Variants in BIRC6 observed in about 807,000 individuals in gnomAD.
The protein encoded by BIRC6 is dual E2 ubiquitin-conjugating enzyme/E3 ubiquitin-protein ligase BIRC6.
Under a neutral mutation model 503.3 loss-of-function variants are expected in BIRC6, and 98 were observed. That is an observed-to-expected ratio of 0.19 (90% CI 0.17 to 0.23). BIRC6 has a LOEUF of 0.23. Among genes scored for constraint, BIRC6 ranks in the 10% least tolerant of loss-of-function variants. The probability of loss-of-function intolerance (pLI) is 1.00; values close to 1 mark genes in which losing one functional copy is unlikely to be tolerated. For missense variants in BIRC6, 5,360 were observed against 5,806.0 expected, an observed-to-expected ratio of 0.92 and a Z score of 2.50; for synonymous variants, 2,240 against 2,078.7, an observed-to-expected ratio of 1.08 and a Z score of -2.11.
intron 66 of BIRC6, among the ~76,000 whole-genome samples, chr2:32,577,857 T>C (rs2060365185): frequency 6.6e-6 from 1 of 152,214 alleles, no homozygotes; most frequent in Admixed American, 6.5e-5. Flanking sequence ...TCCATTTAAA[T>C]TCTTTTATTC....
chr2:32,493,021 GTTTTT>G (rs537057604), intron 44 of BIRC6, among the ~76,000 whole-genome samples: 15 of 136,972 alleles, frequency 1.1e-4, no homozygotes, highest in Middle Eastern at 8.1e-3. Context: ...TGGGAAAGCA[GTTTTT>G]TTTTTTTTTG....
chr2:32,510,717 G>A, intron 53 of BIRC6, 83 bp downstream of exon 53: 2 of 949,096 alleles, frequency 2.1e-6, no homozygotes, highest in Non-Finnish European at 3.3e-6. Flanking sequence ...TTTTTCCTTA[G>A]ATGATCTCAT....
rs953848034 is a variant in BIRC6, at chr2:32,592,142, T to C, written c.13356-1773T>C. On this transcript the variant is annotated intron_variant, in intron 66 of 73. Coordinates refer to ENST00000421745, the MANE Select transcript of BIRC6 (RefSeq NM_016252.4). ...TACTCTCCTTATATATGCAAAAACA[T>C]ATATTCAGATACATGTACATAGACG... 3.9e-5 allele frequency among the ~76,000 whole-genome samples: 6 copies of C among 152,202 alleles called. No individual in the cohort carries two copies. The South Asian group carries it at 8.3e-4, about 21-fold the overall frequency.
chr2:32,566,980 G>GT (rs767763948), intron 65 of BIRC6, among the ~76,000 whole-genome samples: 1 of 151,742 alleles, frequency 6.6e-6, no homozygotes, highest in Non-Finnish European at 1.5e-5. Context: ...TTCTTTTTTT[G>GT]TTTGTTTGTT....
chr2:32,516,766 T>A (rs1385751888), intron 55 of BIRC6, among the ~76,000 whole-genome samples: 1 of 152,052 alleles, frequency 6.6e-6, no homozygotes, highest in African/African-American at 2.4e-5. Context: ...TTTGCCAAAT[T>A]TTGCTTTTGG....
At chr2:32,552,029 T>C (rs1291598427) in intron 65 of BIRC6, among the ~76,000 whole-genome samples, 2 of 152,140 alleles carry the variant, frequency 1.3e-5, no homozygotes, top group East Asian at 1.9e-4. Context: ...TTTAGTAAAA[T>C]AATGCACATT....
intron 10 of BIRC6, among the ~76,000 whole-genome samples, chr2:32,417,037 A>G (rs922562331): frequency 1.7e-4 from 26 of 151,996 alleles, no homozygotes; most frequent in Non-Finnish European, 4.4e-5. Context: ...GGGTTTCACC[A>G]TGTTACCCAG....
chr2:32,432,617 G>C lies in BIRC6; in HGVS notation c.3249-1027G>C, dbSNP rs573201372. On this transcript the variant is annotated intron_variant, in intron 12 of 73. Transcript: ENST00000421745. ...ATAAATAATAAAAAAAAATTTAGCT[G>C]GACATGGTGGTATGTGCCTGTGGTC... 1.7e-4 allele frequency among the ~76,000 whole-genome samples: 26 copies of C among 151,888 alleles called. No individual in the cohort carries two copies. The East Asian group carries it at 5.0e-3, about 29-fold the overall frequency.
At chr2:32,482,610 T>G (rs1330282706) in intron 39 of BIRC6, 28 bp downstream of exon 39, 2 of 1,608,926 alleles carry the variant, frequency 1.2e-6, no homozygotes, top group African/African-American at 2.7e-5. Flanking sequence ...TTTTAAGACA[T>G]ATGCTATTCT....
chr2:32,538,242 C>A (rs1449824194), intron 61 of BIRC6, among the ~76,000 whole-genome samples: 1 of 151,986 alleles, frequency 6.6e-6, no homozygotes, highest in Non-Finnish European at 1.5e-5. Flanking sequence ...CTGAGGAGCT[C>A]CAAATTCTGC....
At chr2:32,391,522 T>C (rs906859311) in intron 4 of BIRC6, among the ~76,000 whole-genome samples, 11 of 152,252 alleles carry the variant, frequency 7.2e-5, no homozygotes, top group East Asian at 1.9e-4. Flanking sequence ...CTAAAGTTAC[T>C]AGCAATTTTA....
Position 32,444,832 on chromosome 2 carries a change from A to G in BIRC6, c.4337-689A>G, listed in dbSNP as rs143954998. Among the ~76,000 whole-genome samples, 387 of 152,354 alleles carry G rather than the reference A, an allele frequency of 2.5e-3. 1 individual carries two copies. The highest frequency in any genetic ancestry group is 9.1e-3 in the African/African-American group (379 of 41,592). On this transcript the variant is annotated intron_variant, in intron 20 of 73. Coordinates refer to ENST00000421745, the MANE Select transcript of BIRC6 (RefSeq NM_016252.4). Reference sequence around the variant, plus strand: ...TTAGGTAAAGCGTGTTTATATTTACATTGAACATATTTTGGCTACAACCAT... The same window carrying G: ...TTAGGTAAAGCGTGTTTATATTTACGTTGAACATATTTTGGCTACAACCAT...
chr2:32,491,550 A>C lies in BIRC6; in HGVS notation c.8332A>C (p.Ser2778Arg). 6.2e-7 allele frequency: 1 copy of C among 1,613,066 alleles called. No homozygotes were observed. The highest frequency in any genetic ancestry group is 8.5e-7 in the Non-Finnish European group (1 of 1,179,456). ...GTSPHGTNQH[S>R]PQVGPTATQA... is the part of the protein sequence containing the mutation. ...CAGTCCACATGGAACAAATCAACAC[A>C]GTCCACAGGTAATATGATGTTTAGC... Residue 2778 changes from serine to arginine, a missense_variant, in exon 44 of 74, where the codon AGT (serine) becomes CGT (arginine). Physicochemically the swap from Ser to Arg is moderately radical, Grantham distance 110. Coordinates refer to ENST00000421745, the MANE Select transcript of BIRC6 (RefSeq NM_016252.4).
intron 23 of BIRC6, among the ~76,000 whole-genome samples, chr2:32,458,760 T>A (rs1310947648): frequency 1.4e-5 from 2 of 139,656 alleles, no homozygotes; most frequent in Non-Finnish European, 3.1e-5. Context: ...AGTGGCTCAA[T>A]CTTGGCTCAC....
chr2:32,509,109 A>C (rs910014880), intron 51 of BIRC6, among the ~76,000 whole-genome samples: 2 of 152,064 alleles, frequency 1.3e-5, no homozygotes, highest in African/African-American at 4.8e-5. Context: ...CAAGGTGCTA[A>C]GACTACACAG....
At chr2:32,610,024 T>TA (rs1218933309) in intron 72 of BIRC6, among the ~76,000 whole-genome samples, 2 of 152,166 alleles carry the variant, frequency 1.3e-5, no homozygotes, top group Non-Finnish European at 2.9e-5. Flanking sequence ...TTAAAATATA[T>TA]TTTTTTGGTA....
chr2:32,479,902 A>G (rs2050183208), intron 37 of BIRC6, among the ~76,000 whole-genome samples: 1 of 152,188 alleles, frequency 6.6e-6, no homozygotes, highest in African/African-American at 2.4e-5. Context: ...TGATGAAGAC[A>G]GCAGTTTTAA....
At position 32,431,181 on chromosome 2, in the gene BIRC6, C is replaced by T. The variant is rs372951464; in HGVS notation, c.3248+91C>T. On this transcript the variant is annotated intron_variant, in intron 12 of 73. Transcript: ENST00000421745. ...AATTCCTAGGTATATTACTGTTTAT[C>T]TTTTTTTTTTTTTTTTTTTTTTTTT... 9.5e-3 allele frequency: 656 copies of T among 69,246 alleles called. 3 individuals are homozygous for T. The highest frequency in any genetic ancestry group is 0.018 in the South Asian group (145 of 8,050). The allele number at this position is 69,246 out of a possible 1,614,324, so 4.3% of individuals were successfully genotyped here. A position where few individuals can be genotyped will look rare whatever the true frequency, so the allele number is the denominator to read the frequency against.
chr2:32,368,808 T>A (rs2035349124), intron 1 of BIRC6, among the ~76,000 whole-genome samples: 1 of 152,060 alleles, frequency 6.6e-6, no homozygotes, highest in African/African-American at 2.4e-5. Context: ...TGTACCACCA[T>A]GCCCAGCTAA....
Sources: gnomAD v4.1 joint callset for allele counts (sites outside exome capture counted in the v4.1 genomes callset) on GRCh38, gnomAD v4.1.1 for gene constraint, MANE v1.5 for transcripts, NCBI Gene and HGNC (gene_info 2026-07-23, HGNC 2026-07-21) for gene names.